Variants in CASD1 observed in about 807,000 individuals in gnomAD.
CASD1 encodes the protein N-acetylneuraminate (7)9-O-acetyltransferase.
CASD1 carries 41 observed loss-of-function variants against 100.0 expected under a neutral mutation model. That is an observed-to-expected ratio of 0.41 (90% CI 0.32 to 0.53). The LOEUF (loss-of-function observed/expected upper bound fraction) is 0.53. Among genes scored for constraint, CASD1 ranks in the 20% least tolerant of loss-of-function variants. The pLI, the probability that CASD1 is intolerant of heterozygous loss-of-function variation, is 0.25. For synonymous variants in CASD1, 321 were observed against 315.6 expected (o/e 1.02, Z -0.18); for missense variants, 774 against 948.7 (o/e 0.82, Z 2.42).
At chr7:94,629,407 G>T in the CASD1 span, 1 of 284,344 alleles carries the variant, frequency 3.5e-6, no homozygotes, top group South Asian at 3.6e-5. Context: ...GAGAATCTAG[G>T]TCTTAATATA....
chr7:94,538,096 G>A (rs932412299), intron 9 of CASD1, among the ~76,000 whole-genome samples: 12 of 152,108 alleles, frequency 7.9e-5, no homozygotes, highest in African/African-American at 2.2e-4. Flanking sequence ...TCAGAGTCAC[G>A]TGAAAATTGT....
chr7:94,529,979 C>T (rs1416451713), intron 5 of CASD1, among the ~76,000 whole-genome samples: 1 of 152,056 alleles, frequency 6.6e-6, no homozygotes, highest in Non-Finnish European at 1.5e-5. Flanking sequence ...GATTGTTATT[C>T]CACAGATATT....
At chr7:94,565,309 C>T in the CASD1 span, among the ~76,000 whole-genome samples, 5 of 152,070 alleles carry the variant, frequency 3.3e-5, no homozygotes, top group African/African-American at 7.2e-5. Flanking sequence ...CTAAATTTAG[C>T]GTAATAGACC....
chr7:94,604,782 A>AT, the CASD1 span, among the ~76,000 whole-genome samples: 1 of 114,568 alleles, frequency 8.7e-6, no homozygotes, highest in South Asian at 2.8e-4. Context: ...TCATAGAATT[A>AT]TTTTTTATAA....
At chr7:94,528,273 C>CTTT (rs57770781) in intron 5 of CASD1, 23 bp downstream of exon 5, 1 of 1,185,216 alleles carries the variant, frequency 8.4e-7, no homozygotes, top group Non-Finnish European at 1.2e-6. Context: ...AAAACATAGG[C>CTTT]TTTTTTTTTT....
the CASD1 span, among the ~76,000 whole-genome samples, chr7:94,593,381 A>C: frequency 6.6e-6 from 1 of 152,058 alleles, no homozygotes; most frequent in Admixed American, 6.6e-5. Context: ...AAGGGGCCTC[A>C]TGAAGATGCC....
In CASD1 at chr7:94,535,521, A is replaced by G. The variant is rs779955770; in HGVS notation, c.841A>G (p.Thr281Ala). The change falls in exon 8 of 18, where the codon ACT becomes GCT. Residue 281 changes from threonine (T) to alanine (A), a missense_variant and splice_region_variant. Physicochemically the swap from Thr to Ala is moderately conservative, Grantham distance 58 (BLOSUM62 0). Transcript: ENST00000297273. ...ACATCTTCCTGAATCGAGCAGAGAA[A>G]CTGTGAGAAATTTTTACATATGTCA... ...GLHLPESSRE[T>A]TAMILMNVYC... is the part of the protein sequence containing the mutation. 2 of 1,611,502 alleles carry G rather than the reference A, an allele frequency of 1.2e-6. No individual in the cohort carries two copies. The highest frequency in any genetic ancestry group is 3.3e-5 in the Admixed American group (2 of 59,934).
intron 5 of CASD1, among the ~76,000 whole-genome samples, chr7:94,530,289 G>T (rs574092670): frequency 2.9e-4 from 44 of 152,280 alleles, no homozygotes; most frequent in Non-Finnish European, 5.0e-4. Context: ...TGAAGATGAT[G>T]TATAGCCTAT....
chr7:94,525,177 G>C (rs1794497681), intron 3 of CASD1, among the ~76,000 whole-genome samples: 1 of 152,136 alleles, frequency 6.6e-6, no homozygotes, highest in Admixed American at 6.5e-5. Flanking sequence ...AAATGTTAAT[G>C]GTTGGTAAAA....
At chr7:94,565,278 C>T in the CASD1 span, among the ~76,000 whole-genome samples, 1 of 152,100 alleles carries the variant, frequency 6.6e-6, no homozygotes, top group Non-Finnish European at 1.5e-5. Flanking sequence ...GTTTCAGAGT[C>T]CCAGGCTTCA....
At chr7:94,622,891 ATATACT>A in the CASD1 span, among the ~76,000 whole-genome samples, 1 of 152,154 alleles carries the variant, frequency 6.6e-6, no homozygotes, top group African/African-American at 2.4e-5. Context: ...ATATTATCAC[ATATACT>A]TAGACTATTA....
chr7:94,517,930 TG>T (rs1456430737), intron 2 of CASD1, among the ~76,000 whole-genome samples: 1 of 152,198 alleles, frequency 6.6e-6, no homozygotes, highest in Non-Finnish European at 1.5e-5. Context: ...ACCTATCTTA[TG>T]GAGTTATTCT....
chr7:94,598,893 C>T, the CASD1 span: 2 of 1,613,766 alleles, frequency 1.2e-6, no homozygotes, highest in South Asian at 2.2e-5. Flanking sequence ...CATGCTATCT[C>T]TCTATTCTTG....
the CASD1 span, among the ~76,000 whole-genome samples, chr7:94,590,209 G>C: frequency 6.6e-6 from 1 of 151,740 alleles, no homozygotes; most frequent in Non-Finnish European, 1.5e-5. Context: ...ACAGCATACA[G>C]GTATTACTCT....
At chr7:94,555,362 GAGAC>G in intron 17 of CASD1, 126 bp from the exon 18 acceptor site, 1 of 861,266 alleles carries the variant, frequency 1.2e-6, no homozygotes. Flanking sequence ...GGCCAGTAGT[GAGAC>G]AGAATAAAAT....
At chr7:94,588,019 C>T in the CASD1 span, 3 of 1,386,650 alleles carry the variant, frequency 2.2e-6, no homozygotes, top group African/African-American at 1.5e-5. Flanking sequence ...ATTAATGGTT[C>T]CCTGGCAATT....
chr7:94,562,732 A>T, the CASD1 span, among the ~76,000 whole-genome samples: 1 of 152,022 alleles, frequency 6.6e-6, no homozygotes, highest in Non-Finnish European at 1.5e-5. Flanking sequence ...TGTGGACCAG[A>T]TGTCAGGCTG....
At chr7:94,627,011 AC>A in the CASD1 span, 2 of 152,000 alleles carry the variant, frequency 1.3e-5, no homozygotes, top group Non-Finnish European at 2.9e-5. Context: ...TTCTTTTATA[AC>A]TTTTACTGAA....
chr7:94,588,067 G>C, the CASD1 span: 1 of 1,334,028 alleles, frequency 7.5e-7, no homozygotes, highest in South Asian at 1.9e-5. Context: ...AGACAATCAT[G>C]AATAAGTTAT....
Sources: allele counts gnomAD v4.1 joint callset (sites outside exome capture counted in the v4.1 genomes callset), GRCh38; gene constraint gnomAD v4.1.1; transcripts MANE v1.5; gene names NCBI Gene and HGNC (gene_info 2026-07-23, HGNC 2026-07-21).